The following NBAS variants were observed in gnomAD, a reference collection of about 807,000 sequenced individuals.
The protein encoded by NBAS is NAG/BC035112 fusion.
Under a neutral mutation model 302.5 loss-of-function variants are expected in NBAS, and 219 were observed. That is an observed-to-expected ratio of 0.72 (90% confidence interval 0.65 to 0.81). The LOEUF (loss-of-function observed/expected upper bound fraction) is 0.81. Among genes scored for constraint, NBAS ranks in the 30% least tolerant of loss-of-function variants. NBAS has a pLI of 0.00. For synonymous variants in NBAS, 1,118 were observed against 1,021.6 expected, an observed-to-expected ratio of 1.09 and a Z score of -1.80; for missense variants, 2,932 against 2,841.6, an observed-to-expected ratio of 1.03 and a Z score of -0.72.
chr2:14,876,999 C>T, the NBAS span, among the ~76,000 whole-genome samples: 1 of 152,232 alleles, frequency 6.6e-6, no homozygotes, highest in Non-Finnish European at 1.5e-5. Flanking sequence ...ACCACTAAGC[C>T]TCTCAGTGAC....
the NBAS span, among the ~76,000 whole-genome samples, chr2:15,080,446 C>A: frequency 6.6e-6 from 1 of 152,180 alleles, no homozygotes; most frequent in African/African-American, 2.4e-5. Flanking sequence ...GAAGCTCTCC[C>A]CAGTCTGGGC....
At chr2:15,315,610 C>T (rs1671473114) in intron 38 of NBAS, among the ~76,000 whole-genome samples, 1 of 152,202 alleles carries the variant, frequency 6.6e-6, no homozygotes, top group African/African-American at 2.4e-5. Flanking sequence ...CACACTAAAC[C>T]CATGGCCTCC....
chr2:15,198,048 G>C lies in NBAS; in HGVS notation c.6433-7645C>G, dbSNP rs532534271. 1.2e-4 allele frequency among the ~76,000 whole-genome samples: 18 copies of C among 152,260 alleles called. No homozygotes were observed. In the East Asian group the frequency reaches 3.3e-3, roughly 28 times the overall value. The stretch of plus-strand genomic sequence containing the variant: ...CATATATTGTGAGACATATAAAAAT[G>C]AACACACACAAAGTAGACATTTTTA... On this transcript the variant is annotated intron_variant, in intron 48 of 51. Transcript: ENST00000281513.
the NBAS span, among the ~76,000 whole-genome samples, chr2:14,860,265 C>T: frequency 6.6e-6 from 1 of 152,122 alleles, no homozygotes; most frequent in African/African-American, 2.4e-5. Flanking sequence ...CTATAGAAAA[C>T]ATCATGGTGT....
chr2:15,214,098 C>A (rs1237443476), intron 48 of NBAS, among the ~76,000 whole-genome samples: 1 of 152,226 alleles, frequency 6.6e-6, no homozygotes, highest in Non-Finnish European at 1.5e-5. Context: ...GGGGAAGTGG[C>A]ATGGTCTAAT....
intron 35 of NBAS, among the ~76,000 whole-genome samples, chr2:15,337,194 G>A (rs770210881): frequency 1.3e-5 from 2 of 151,874 alleles, no homozygotes; most frequent in Non-Finnish European, 2.9e-5. Context: ...GGTGGCATGT[G>A]CCTATAGTCT....
chr2:14,908,691 G>A, the NBAS span, among the ~76,000 whole-genome samples: 4 of 152,226 alleles, frequency 2.6e-5, no homozygotes, highest in Non-Finnish European at 5.9e-5. Context: ...TTGATTAGAT[G>A]AATACAAGCT....
chr2:15,131,511 AGG>A, the NBAS span, among the ~76,000 whole-genome samples: 1 of 152,228 alleles, frequency 6.6e-6, no homozygotes, highest in East Asian at 1.9e-4. Flanking sequence ...AAGTTCAAAT[AGG>A]AGGTATATGA....
At chr2:15,155,301 CT>C in the NBAS span, among the ~76,000 whole-genome samples, 1 of 152,112 alleles carries the variant, frequency 6.6e-6, no homozygotes, top group Non-Finnish European at 1.5e-5. Flanking sequence ...TTTGATAAAT[CT>C]TTGCTAGCTC....
At chr2:14,812,822 C>T in the NBAS span, among the ~76,000 whole-genome samples, 10 of 152,204 alleles carry the variant, frequency 6.6e-5, no homozygotes, top group South Asian at 8.3e-4. Flanking sequence ...GCACCCAAAT[C>T]GCGTGTTGAT....
chr2:15,460,303 A>T (rs1679450729), intron 21 of NBAS, among the ~76,000 whole-genome samples: 1 of 152,216 alleles, frequency 6.6e-6, no homozygotes, highest in Non-Finnish European at 1.5e-5. Context: ...CAAAGTGAGT[A>T]AGCAAGACAG....
chr2:15,449,742 A>G (rs776756686), intron 21 of NBAS, among the ~76,000 whole-genome samples: 3 of 152,224 alleles, frequency 2.0e-5, no homozygotes, highest in Non-Finnish European at 4.4e-5. Flanking sequence ...CTTAGCTGAT[A>G]CAACCACAAG....
In NBAS at chr2:15,379,787, G is replaced by A. The variant is rs1318088497; in HGVS notation, c.3405C>T (p.Ile1135=). The change falls in exon 30 of 52, where the codon ATC becomes ATT. Residue 1135 remains isoleucine, a synonymous_variant. Transcript: ENST00000281513. Reference sequence around the variant, plus strand: ...AGTGCATCATCTGTCCAGCCAGGTGGATGTTTTCAAGGCGACTAGAGCACA... The same window carrying A: ...AGTGCATCATCTGTCCAGCCAGGTGAATGTTTTCAAGGCGACTAGAGCACA... ...SLLCSSRLEN[I]HLAGQMMHCS... is the part of the protein sequence containing the mutation. 9 of 1,613,950 alleles carry A rather than the reference G, an allele frequency of 5.6e-6. No homozygotes were observed. Among genetic ancestry groups the A allele is most frequent in the Non-Finnish European group, 7.6e-6 (9 of 1,179,996 alleles).
chr2:15,546,558 G>A (rs1045762951), intron 6 of NBAS, among the ~76,000 whole-genome samples: 9 of 152,038 alleles, frequency 5.9e-5, no homozygotes, highest in South Asian at 4.2e-4. Flanking sequence ...GTGAAACCCC[G>A]ACTCTACTAA....
Position 15,561,153 on chromosome 2 carries a change from CAAGCTGGCTGCTGCTGTAG to C in NBAS, c.117+16_117+34del, listed in dbSNP as rs1664900445. 6.2e-7 allele frequency: 1 copy of C among 1,600,678 alleles called. No individual in the cohort carries two copies. The highest frequency in any genetic ancestry group is 8.5e-7 in the Non-Finnish European group (1 of 1,169,910). On this transcript the variant is annotated intron_variant, in intron 1 of 51. Coordinates refer to ENST00000281513, the MANE Select transcript of NBAS (RefSeq NM_015909.4). Reference sequence around the variant, plus strand: ...GGCTCTACCCACGAAGCGCCCGCGCCAAGCTGGCTGCTGCTGTAGATGGGCCTGGTTCACCTGTACTTCA... The same window carrying C: ...GGCTCTACCCACGAAGCGCCCGCGCCATGGGCCTGGTTCACCTGTACTTCA...
chr2:15,345,985 C>T (rs930721642), intron 35 of NBAS, among the ~76,000 whole-genome samples: 2 of 152,218 alleles, frequency 1.3e-5, no homozygotes, highest in South Asian at 4.1e-4. Context: ...CCCTTCCTTA[C>T]ACTTTATACA....
chr2:15,247,011 A>C (rs1280526790), intron 44 of NBAS, among the ~76,000 whole-genome samples: 1 of 152,242 alleles, frequency 6.6e-6, no homozygotes, highest in Admixed American at 6.5e-5. Context: ...AGGGTTGCTG[A>C]AAGGTGACAT....
the NBAS span, among the ~76,000 whole-genome samples, chr2:15,033,596 T>C: frequency 1.6e-4 from 24 of 152,094 alleles, no homozygotes; most frequent in Non-Finnish European, 2.9e-4. Flanking sequence ...GTGATGGTAT[T>C]TGGGGATAGG....
At chr2:14,851,416 G>T in the NBAS span, among the ~76,000 whole-genome samples, 1 of 151,846 alleles carries the variant, frequency 6.6e-6, no homozygotes, top group Non-Finnish European at 1.5e-5. Flanking sequence ...AAAAACAGGA[G>T]CTGAAATTGT....
Sources: gnomAD v4.1 joint callset for allele counts (sites outside exome capture counted in the v4.1 genomes callset) on GRCh38, gnomAD v4.1.1 for gene constraint, MANE v1.5 for transcripts, NCBI Gene and HGNC (gene_info 2026-07-23, HGNC 2026-07-21) for gene names.